ANKRD11: variants seen among roughly 807,000 people sequenced by gnomAD.
ANKRD11 encodes ankyrin repeat domain 11, also known as ankyrin repeat domain-containing protein 11.
Under a neutral mutation model 195.7 loss-of-function variants are expected in ANKRD11, and 17 were observed. The observed-to-expected ratio is 0.09, with a 90% CI of 0.06 to 0.13. The LOEUF (loss-of-function observed/expected upper bound fraction) is 0.13, where lower values mean the gene tolerates loss of function less well. Among genes scored for constraint, ANKRD11 ranks in the 10% least tolerant of loss-of-function variants. The probability of loss-of-function intolerance (pLI) is 1.00; values close to 1 mark genes in which losing one functional copy is unlikely to be tolerated. For synonymous variants in ANKRD11, 1,953 were observed against 1,528.1 expected (o/e 1.28, Z -6.49); for missense variants, 3,735 against 3,566.1 (o/e 1.05, Z -1.21).
In ANKRD11 at chr16:89,478,084, C is replaced by G. The variant is rs967678124; in HGVS notation, c.-145+12161G>C. Among the ~76,000 whole-genome samples, 15 of 152,148 alleles carry G rather than the reference C, an allele frequency of 9.9e-5. 1 individual carries two copies. Among genetic ancestry groups the G allele is most frequent in the Admixed American group, 7.2e-4 (11 of 15,272 alleles). ...TCAAAAAAGAAAAATAAAACAATGGCTTAATGAGAGGAGCGCTTAATAAAC... is the reference window on the plus strand; with the variant it reads ...TCAAAAAAGAAAAATAAAACAATGGGTTAATGAGAGGAGCGCTTAATAAAC... On this transcript the variant is annotated intron_variant, in intron 1 of 12. Transcript: ENST00000301030.
chr16:89,385,106 G>C (rs887943540), intron 2 of ANKRD11, among the ~76,000 whole-genome samples: 6 of 151,868 alleles, frequency 4.0e-5, no homozygotes, highest in African/African-American at 9.7e-5. Flanking sequence ...GGCTGGTCTT[G>C]AACTCTTGAC....
intron 1 of ANKRD11, among the ~76,000 whole-genome samples, chr16:89,488,450 C>CCCT (rs971968610): frequency 6.6e-6 from 1 of 151,406 alleles, no homozygotes; most frequent in African/African-American, 2.4e-5. Context: ...GCCCCCCCCC[C>CCCT]TTTTTTTCTA....
chr16:89,340,413 T>C (rs2038599866), intron 2 of ANKRD11, among the ~76,000 whole-genome samples: 1 of 152,236 alleles, frequency 6.6e-6, no homozygotes, highest in South Asian at 2.1e-4. Context: ...TAGCTGAGAT[T>C]ACAGGCATGC....
At position 89,279,016 on chromosome 16, in the gene ANKRD11, G is replaced by T; in HGVS notation, c.7470+56C>A. Reference sequence around the variant, plus strand: ...GGGCTGGAGGAAGCCGTGACTAGGGGCCCCAGACGCATCCCAGAGAGAGAA... The same window carrying T: ...GGGCTGGAGGAAGCCGTGACTAGGGTCCCCAGACGCATCCCAGAGAGAGAA... On this transcript the variant is annotated intron_variant, in intron 9 of 12. Transcript: ENST00000301030. This position sits in a 1 kb window ranked among gnomAD's most constrained non-coding sequence, Gnocchi z 5.6. 1 of 1,604,816 alleles carries T rather than the reference G, an allele frequency of 6.2e-7. No individual in the cohort carries two copies. Among genetic ancestry groups the T allele is most frequent in the Admixed American group, 1.7e-5 (1 of 58,754 alleles).
chr16:89,407,086 T>C (rs2041935075), intron 2 of ANKRD11, among the ~76,000 whole-genome samples: 1 of 151,456 alleles, frequency 6.6e-6, no homozygotes, highest in Non-Finnish European at 1.5e-5. Flanking sequence ...CTCGGGAGGC[T>C]GAGGCTGGTG....
At chr16:89,311,707 A>AT (rs2036616967) in intron 3 of ANKRD11, among the ~76,000 whole-genome samples, 3 of 152,202 alleles carry the variant, frequency 2.0e-5, no homozygotes, top group Non-Finnish European at 4.4e-5. Context: ...CTAGAAGAAA[A>AT]TATTAAATAG....
At position 89,362,634 on chromosome 16, in the gene ANKRD11, A is replaced by G. The variant is rs145978813; in HGVS notation, c.-59-45556T>C. Reference sequence around the variant, plus strand: ...CTTCTCTTAAAAGCAACATTTATTCAAAGACCTGTGCTGACATTCCTAAAT... The same window carrying G: ...CTTCTCTTAAAAGCAACATTTATTCGAAGACCTGTGCTGACATTCCTAAAT... On this transcript the variant is annotated intron_variant, in intron 2 of 12. Coordinates refer to ENST00000301030, the MANE Select transcript of ANKRD11 (RefSeq NM_013275.6). Among the ~76,000 whole-genome samples, 934 of 152,352 alleles carry G rather than the reference A, an allele frequency of 6.1e-3. 14 individuals are homozygous for G. The highest frequency in any genetic ancestry group is 0.021 in the African/African-American group (870 of 41,576).
chr16:89,338,926 T>C (rs1844363146), intron 2 of ANKRD11, among the ~76,000 whole-genome samples: 1 of 152,020 alleles, frequency 6.6e-6, no homozygotes, highest in Non-Finnish European at 1.5e-5. Context: ...CAGATATAAA[T>C]GCGTAATTTA....
At chr16:89,273,869 G>T (rs915307357) in intron 11 of ANKRD11, among the ~76,000 whole-genome samples, 7 of 152,094 alleles carry the variant, frequency 4.6e-5, no homozygotes, top group African/African-American at 1.4e-4. Flanking sequence ...GAGTGCCCAG[G>T]GCTGGGGTGG....
At chr16:89,316,443 C>T (rs2036960237) in intron 3 of ANKRD11, among the ~76,000 whole-genome samples, 1 of 152,216 alleles carries the variant, frequency 6.6e-6, no homozygotes, top group Non-Finnish European at 1.5e-5. Context: ...TGCATCACCC[C>T]CCACACTGCA....
At chr16:89,358,330 G>A (rs1411496270) in intron 2 of ANKRD11, among the ~76,000 whole-genome samples, 3 of 152,200 alleles carry the variant, frequency 2.0e-5, no homozygotes, top group Non-Finnish European at 2.9e-5. Flanking sequence ...CATATTCACG[G>A]GAGTGAACAT....
chr16:89,308,002 A>C (rs3102348), intron 3 of ANKRD11, among the ~76,000 whole-genome samples: 96,849 of 148,392 alleles, frequency 0.65, 33,117 homozygotes, highest in Non-Finnish European at 0.77. Context: ...AGGTTCTACC[A>C]AACATGTGAA....
rs1237049948 is a variant in ANKRD11, at chr16:89,268,140, C to T, written c.*338G>A. On this transcript the variant is annotated 3_prime_UTR_variant, in exon 13 of 13. Transcript: ENST00000301030. Reference sequence around the variant, plus strand: ...ACTCCGTTCTCCAACTCCTGAAATGCCTCTGCAGTTGCTGGAGAAAAGGGC... The same window carrying T: ...ACTCCGTTCTCCAACTCCTGAAATGTCTCTGCAGTTGCTGGAGAAAAGGGC... 6.0e-6 allele frequency: 1 copy of T among 166,982 alleles called. No individual in the cohort carries two copies. The highest frequency in any genetic ancestry group is 1.4e-4 in the East Asian group (1 of 7,182). The allele number at this position is 166,982 out of a possible 1,614,324, so 10.3% of individuals were successfully genotyped here. A position where few individuals can be genotyped will look rare whatever the true frequency, so the allele number is the denominator to read the frequency against.
chr16:89,378,293 G>A (rs528250351), intron 2 of ANKRD11, among the ~76,000 whole-genome samples: 17 of 152,116 alleles, frequency 1.1e-4, no homozygotes, highest in Non-Finnish European at 2.4e-4. Context: ...TTAAATACTC[G>A]GGGTATAAAA....
intron 2 of ANKRD11, among the ~76,000 whole-genome samples, chr16:89,386,053 C>T (rs886272671): frequency 1.3e-5 from 2 of 152,224 alleles, no homozygotes; most frequent in Admixed American, 6.5e-5. Context: ...AAACTGGGTC[C>T]AATTTGTCTG....
At chr16:89,275,720 G>A (rs748394155) in intron 9 of ANKRD11, among the ~76,000 whole-genome samples, 15 of 152,344 alleles carry the variant, frequency 9.8e-5, no homozygotes, top group South Asian at 2.1e-4. Context: ...GTGGGGGCTG[G>A]GGGACTGTGG....
At chr16:89,336,029 C>T (rs2038335400) in intron 2 of ANKRD11, among the ~76,000 whole-genome samples, 1 of 152,194 alleles carries the variant, frequency 6.6e-6, no homozygotes, top group South Asian at 2.1e-4. Flanking sequence ...GAAGTGATGG[C>T]CAACATCACA....
chr16:89,475,038 G>A (rs969744121), intron 1 of ANKRD11, among the ~76,000 whole-genome samples: 2 of 152,198 alleles, frequency 1.3e-5, no homozygotes, highest in Non-Finnish European at 2.9e-5. Context: ...CCTCAAGTAA[G>A]GGGGTGGCAG....
chr16:89,303,912 G>T (rs2035998411), intron 4 of ANKRD11, among the ~76,000 whole-genome samples: 1 of 152,152 alleles, frequency 6.6e-6, no homozygotes, highest in Admixed American at 6.5e-5. Flanking sequence ...CTGCTCTCAA[G>T]CCCGCATCCT....
Sources: gnomAD v4.1 joint callset for allele counts (sites outside exome capture counted in the v4.1 genomes callset) on GRCh38, gnomAD v4.1.1 for gene constraint, Gnocchi (gnomAD v3.1) non-coding constraint, MANE v1.5 for transcripts, NCBI Gene and HGNC (gene_info 2026-07-23, HGNC 2026-07-21) for gene names.